Variants in OR1J2 observed in about 807,000 individuals in gnomAD.
OR1J2 encodes olfactory receptor family 1 subfamily J member 2, also known as olfactory receptor 1J2.
For synonymous variants in OR1J2, 142 were observed against 99.7 expected (o/e 1.42, Z -2.52); for missense variants, 304 against 246.1 (o/e 1.24, Z -1.57).
the OR1J2 span, among the ~76,000 whole-genome samples, chr9:122,453,988 A>G: frequency 6.6e-6 from 1 of 152,210 alleles, no homozygotes; most frequent in African/African-American, 2.4e-5. Flanking sequence ...ACAAAATGTG[A>G]CTAAAACAGT....
chr9:122,517,802 C>T, the OR1J2 span, among the ~76,000 whole-genome samples: 3 of 151,916 alleles, frequency 2.0e-5, no homozygotes, highest in Non-Finnish European at 4.4e-5. Flanking sequence ...TGGTTTGCTG[C>T]ACCTATCAAC....
chr9:122,515,097 C>T (rs1828681341), downstream of OR1J2, among the ~76,000 whole-genome samples: 1 of 152,110 alleles, frequency 6.6e-6, no homozygotes, highest in Non-Finnish European at 1.5e-5. Flanking sequence ...TGTGCCCTGT[C>T]CCCTTGTGTC....
At chr9:122,559,311 T>A in the OR1J2 span, among the ~76,000 whole-genome samples, 1 of 152,030 alleles carries the variant, frequency 6.6e-6, no homozygotes, top group East Asian at 1.9e-4. Context: ...TTTTTATTTT[T>A]TTTTATTTTA....
At chr9:122,545,742 A>T in the OR1J2 span, among the ~76,000 whole-genome samples, 1 of 152,154 alleles carries the variant, frequency 6.6e-6, no homozygotes, top group Non-Finnish European at 1.5e-5. Flanking sequence ...CCAGAATTCT[A>T]CTTCTATATT....
chr9:122,568,580 G>A, the OR1J2 span: 179,356 of 707,420 alleles, frequency 0.25, 23,938 homozygotes, highest in Middle Eastern at 0.3. Context: ...CTTCTGTTTG[G>A]TCACAATTAG....
At chr9:122,522,549 A>G in the OR1J2 span, among the ~76,000 whole-genome samples, 1,679 of 152,004 alleles carry the variant, frequency 0.011, 34 homozygotes, top group African/African-American at 0.038. Context: ...TAATGTTGTG[A>G]TGGTTATATT....
chr9:122,470,726 G>A, the OR1J2 span, among the ~76,000 whole-genome samples: 1 of 152,198 alleles, frequency 6.6e-6, no homozygotes, highest in South Asian at 2.1e-4. Context: ...GCTGTACCCT[G>A]CAAAGCCACA....
the OR1J2 span, among the ~76,000 whole-genome samples, chr9:122,555,762 A>G: frequency 6.6e-6 from 1 of 152,150 alleles, no homozygotes. Context: ...TGGTTTATAG[A>G]AAAATTGAGC....
chr9:122,479,186 G>C, the OR1J2 span, among the ~76,000 whole-genome samples: 1 of 152,200 alleles, frequency 6.6e-6, no homozygotes, highest in African/African-American at 2.4e-5. Flanking sequence ...TCCTCTCACA[G>C]TATGTCTAAG....
the OR1J2 span, chr9:122,477,358 G>A: frequency 6.2e-7 from 1 of 1,614,084 alleles, no homozygotes; most frequent in Admixed American, 1.7e-5. Context: ...GGAGGTGTCT[G>A]AGCAGGACAA....
downstream of OR1J2, among the ~76,000 whole-genome samples, chr9:122,516,384 A>G (rs1828700364): frequency 6.8e-6 from 1 of 146,198 alleles, no homozygotes; most frequent in Non-Finnish European, 1.5e-5. Context: ...GCTCACTGCA[A>G]GCTCCGCCTC....
the OR1J2 span, among the ~76,000 whole-genome samples, chr9:122,560,612 C>T: frequency 6.6e-6 from 1 of 152,102 alleles, no homozygotes; most frequent in Non-Finnish European, 1.5e-5. Flanking sequence ...ATATGAAATT[C>T]TGCGTTGAAA....
chr9:122,558,501 T>A, the OR1J2 span, among the ~76,000 whole-genome samples: 1 of 151,688 alleles, frequency 6.6e-6, no homozygotes, highest in Non-Finnish European at 1.5e-5. Flanking sequence ...GCTGAACCTG[T>A]CTATTTGACT....
chr9:122,494,378 A>G, the OR1J2 span, among the ~76,000 whole-genome samples: 2 of 152,298 alleles, frequency 1.3e-5, no homozygotes, highest in East Asian at 3.9e-4. Flanking sequence ...TTAGGTACAT[A>G]TACATTTAAA....
At chr9:122,450,823 T>C in the OR1J2 span, among the ~76,000 whole-genome samples, 1 of 152,208 alleles carries the variant, frequency 6.6e-6, no homozygotes, top group East Asian at 1.9e-4. Flanking sequence ...GTTTTAGATT[T>C]CACATATAAG....
At chr9:122,576,884 C>G in the OR1J2 span, 2 of 152,050 alleles carry the variant, frequency 1.3e-5, no homozygotes, top group Non-Finnish European at 2.9e-5. Context: ...GCCGTGTGAC[C>G]TCACTTCTCT....
chr9:122,548,717 A>G, the OR1J2 span, among the ~76,000 whole-genome samples: 3 of 148,526 alleles, frequency 2.0e-5, no homozygotes, highest in Non-Finnish European at 3.0e-5. Flanking sequence ...TACATTAGGT[A>G]TATCTCCTAA....
downstream of OR1J2, among the ~76,000 whole-genome samples, chr9:122,513,367 A>G (rs1828662422): frequency 6.6e-6 from 1 of 152,180 alleles, no homozygotes; most frequent in African/African-American, 2.4e-5. Flanking sequence ...TATTTGATCT[A>G]TGTGTGGAAT....
the OR1J2 span, among the ~76,000 whole-genome samples, chr9:122,529,861 C>G: frequency 1.4e-4 from 22 of 152,300 alleles, no homozygotes; most frequent in African/African-American, 5.3e-4. Flanking sequence ...ACATGCCCAC[C>G]TGCGACTGTT....
Sources: allele counts gnomAD v4.1 joint callset (sites outside exome capture counted in the v4.1 genomes callset), GRCh38; gene constraint gnomAD v4.1.1; transcripts MANE v1.5; gene names NCBI Gene and HGNC (gene_info 2026-07-23, HGNC 2026-07-21).